Variants in GPC5 observed in about 807,000 individuals in gnomAD.
GPC5 encodes glypican 5, also known as glypican-5.
GPC5 carries 47 observed loss-of-function variants against 53.9 expected under a neutral mutation model. That is an observed-to-expected ratio of 0.87 (90% confidence interval 0.69 to 1.11). The LOEUF is 1.11. Among genes scored for constraint, GPC5 ranks in the 50% most tolerant of loss-of-function variants. The pLI, the probability that GPC5 is intolerant of heterozygous loss-of-function variation, is 0.00. For missense variants in GPC5, 748 were observed against 713.1 expected, an observed-to-expected ratio of 1.05 and a Z score of -0.56; for synonymous variants, 286 against 263.3, an observed-to-expected ratio of 1.09 and a Z score of -0.84.
At chr13:92,427,225 G>A (rs1876875845) in intron 7 of GPC5, among the ~76,000 whole-genome samples, 1 of 151,118 alleles carries the variant, frequency 6.6e-6, no homozygotes, top group Non-Finnish European at 1.5e-5. Context: ...GATTTTCAGG[G>A]ATGAATCTGA....
At chr13:92,339,896 TA>T (rs914870485) in intron 7 of GPC5, 1 of 152,132 alleles carries the variant, frequency 6.6e-6, no homozygotes, top group Non-Finnish European at 1.5e-5. Flanking sequence ...TACAATGAAT[TA>T]AATGTATTTA....
intron 6 of GPC5, among the ~76,000 whole-genome samples, chr13:92,014,060 T>A (rs1476415273): frequency 6.6e-6 from 1 of 152,200 alleles, no homozygotes; most frequent in Non-Finnish European, 1.5e-5. Context: ...AGGCTTTAAA[T>A]GCATTTGCAT....
chr13:92,291,150 G>A (rs565899967), intron 7 of GPC5, among the ~76,000 whole-genome samples: 72 of 152,212 alleles, frequency 4.7e-4, no homozygotes, highest in African/African-American at 1.6e-3. Flanking sequence ...GCTCCTGTGC[G>A]GCCGGAGCCT....
chr13:92,131,767 A>G (rs2041745525), intron 6 of GPC5, among the ~76,000 whole-genome samples: 1 of 151,946 alleles, frequency 6.6e-6, no homozygotes, highest in Admixed American at 6.6e-5. Context: ...AAGTTTTTCC[A>G]TGTATATGAA....
At chr13:91,550,172 T>A (rs2030540050) in intron 2 of GPC5, among the ~76,000 whole-genome samples, 1 of 152,104 alleles carries the variant, frequency 6.6e-6, no homozygotes. Flanking sequence ...TCCAACTGTA[T>A]GACATTCTGG....
chr13:92,039,922 A>G (rs983049024), intron 6 of GPC5, among the ~76,000 whole-genome samples: 2 of 152,190 alleles, frequency 1.3e-5, no homozygotes, highest in Non-Finnish European at 2.9e-5. Context: ...TAGGACTTCA[A>G]CACGTGAGTT....
chr13:92,011,180 C>T (rs7329574), intron 6 of GPC5, among the ~76,000 whole-genome samples: 127,294 of 152,172 alleles, frequency 0.84, 55,665 homozygotes, highest in East Asian at 1. Context: ...CAAAATATTA[C>T]ATCGTGTCTA....
intron 5 of GPC5, among the ~76,000 whole-genome samples, chr13:91,853,019 A>G (rs1378913927): frequency 6.6e-6 from 1 of 152,102 alleles, no homozygotes; most frequent in African/African-American, 2.4e-5. Context: ...GTGGTAGTTT[A>G]TTAGTATTAT....
chr13:92,464,248 C>T (rs1878603984), intron 7 of GPC5, among the ~76,000 whole-genome samples: 1 of 152,088 alleles, frequency 6.6e-6, no homozygotes, highest in Admixed American at 6.6e-5. Context: ...GCTTAAGACC[C>T]ACTCCACCAT....
rs150244805 is a variant in GPC5 at position 92,481,416 on chromosome 13, A to G, written c.1561+336427A>G. On this transcript the variant is annotated intron_variant, in intron 7 of 7. Transcript: ENST00000377067. Reference sequence around the variant, plus strand: ...GCGCCTGGCCAATTTTTGTATTTTAAGACACCAGGCTTGTAGTAATTTGTT... The same window carrying G: ...GCGCCTGGCCAATTTTTGTATTTTAGGACACCAGGCTTGTAGTAATTTGTT... 2.5e-3 allele frequency among the ~76,000 whole-genome samples: 385 copies of G among 152,234 alleles called. 2 individuals are homozygous for G. Among genetic ancestry groups the G allele is most frequent in the African/African-American group, 9.0e-3 (372 of 41,562 alleles).
chr13:91,572,188 TAC>T (rs71767543), intron 2 of GPC5, among the ~76,000 whole-genome samples: 75,750 of 106,560 alleles, frequency 0.71, 26,654 homozygotes, highest in East Asian at 0.81. Context: ...TACGTGTGTA[TAC>T]ACACACATAT....
chr13:92,504,791 G>C (rs1880309524), intron 7 of GPC5, among the ~76,000 whole-genome samples: 1 of 150,204 alleles, frequency 6.7e-6, no homozygotes, highest in East Asian at 1.9e-4. Flanking sequence ...GCAAAGAAAA[G>C]AGCACTGAAT....
At chr13:91,645,063 C>T (rs566886800) in intron 2 of GPC5, among the ~76,000 whole-genome samples, 2 of 152,174 alleles carry the variant, frequency 1.3e-5, no homozygotes, top group East Asian at 3.8e-4. Context: ...AGAAACTTTG[C>T]TTTCATTTCC....
intron 7 of GPC5, among the ~76,000 whole-genome samples, chr13:92,646,504 G>T (rs1185809607): frequency 2.0e-5 from 3 of 152,098 alleles, no homozygotes; most frequent in East Asian, 3.9e-4. Flanking sequence ...CTCAAGGTTT[G>T]CATTTTCATA....
At chr13:92,035,647 T>C (rs756360698) in intron 6 of GPC5, among the ~76,000 whole-genome samples, 2 of 152,040 alleles carry the variant, frequency 1.3e-5, no homozygotes, top group African/African-American at 4.8e-5. Context: ...ATACAGACTG[T>C]CTTTTCAATT....
chr13:92,415,331 T>C (rs537777498), intron 7 of GPC5, among the ~76,000 whole-genome samples: 1 of 152,222 alleles, frequency 6.6e-6, no homozygotes, highest in Non-Finnish European at 1.5e-5. Context: ...AGAAAATAAT[T>C]AATGTGGTCC....
At chr13:92,413,000 C>T (rs894336532) in intron 7 of GPC5, among the ~76,000 whole-genome samples, 3 of 152,126 alleles carry the variant, frequency 2.0e-5, no homozygotes, top group African/African-American at 7.2e-5. Flanking sequence ...ATATGATTTG[C>T]ATTAAACTAA....
At chr13:92,124,083 T>C (rs1275858170) in intron 6 of GPC5, among the ~76,000 whole-genome samples, 2 of 151,338 alleles carry the variant, frequency 1.3e-5, no homozygotes, top group Non-Finnish European at 2.9e-5. Context: ...AAGGTACATA[T>C]AAACAATATA....
chr13:92,100,153 C>A (rs1261377377), intron 6 of GPC5, among the ~76,000 whole-genome samples: 1 of 152,004 alleles, frequency 6.6e-6, no homozygotes, highest in Non-Finnish European at 1.5e-5. Flanking sequence ...GCCTGTAATC[C>A]CAGCACTTTG....
Sources: gnomAD v4.1 joint callset for allele counts (sites outside exome capture counted in the v4.1 genomes callset) on GRCh38, gnomAD v4.1.1 for gene constraint, MANE v1.5 for transcripts, NCBI Gene and HGNC (gene_info 2026-07-23, HGNC 2026-07-21) for gene names.